FNDC3B: variants seen among roughly 807,000 people sequenced by gnomAD.
FNDC3B encodes the protein fibronectin type III domain-containing protein 3B.
A neutral mutation model predicts 151.5 loss-of-function variants in FNDC3B; 12 were observed. The ratio of observed to expected loss-of-function variants is 0.08; its 90% confidence interval spans 0.05 to 0.13. The LOEUF is 0.13. Ranked by LOEUF, FNDC3B falls within the 10% of genes least tolerant of loss-of-function variation. The pLI, the probability that FNDC3B is intolerant of heterozygous loss-of-function variation, is 1.00. For synonymous variants in FNDC3B, 528 were observed against 549.0 expected (o/e 0.96, Z 0.54); for missense variants, 1,214 against 1,505.3 (o/e 0.81, Z 3.20).
intron 10 of FNDC3B, among the ~76,000 whole-genome samples, chr3:172,308,060 T>C (rs1731282384): frequency 1.3e-5 from 2 of 152,214 alleles, no homozygotes; most frequent in African/African-American, 4.8e-5. Context: ...ATGGCCCTTT[T>C]GGCACATTTC....
chr3:172,263,220 T>A (rs1024326315), intron 6 of FNDC3B, among the ~76,000 whole-genome samples: 5 of 151,762 alleles, frequency 3.3e-5, no homozygotes, highest in Non-Finnish European at 5.9e-5. Context: ...CAGTTAAAAA[T>A]TTTTTTTCAT....
At chr3:172,270,670 C>T (rs1233094530) in intron 6 of FNDC3B, among the ~76,000 whole-genome samples, 1 of 152,196 alleles carries the variant, frequency 6.6e-6, no homozygotes, top group Non-Finnish European at 1.5e-5. Flanking sequence ...TGTTTGTGTA[C>T]ATTTTCTATA....
chr3:172,381,590 A>T (rs1361488513), intron 25 of FNDC3B, among the ~76,000 whole-genome samples: 1 of 151,884 alleles, frequency 6.6e-6, no homozygotes, highest in African/African-American at 2.4e-5. Flanking sequence ...CATCTACATT[A>T]GGTATTTCTC....
intron 3 of FNDC3B, among the ~76,000 whole-genome samples, chr3:172,163,692 C>T (rs1039524201): frequency 2.0e-5 from 3 of 152,018 alleles, no homozygotes; most frequent in Non-Finnish European, 4.4e-5. Flanking sequence ...GTGTAGTTTT[C>T]TAGCTTCTGT....
At chr3:172,252,417 A>G (rs534799748) in intron 6 of FNDC3B, among the ~76,000 whole-genome samples, 1 of 152,022 alleles carries the variant, frequency 6.6e-6, no homozygotes, top group South Asian at 2.1e-4. Context: ...TCACAATCAC[A>G]TTCTCACAGA....
intron 3 of FNDC3B, among the ~76,000 whole-genome samples, chr3:172,186,111 C>T (rs912346462): frequency 6.6e-6 from 1 of 152,162 alleles, no homozygotes. Context: ...GGAAGCTTCA[C>T]GAATTTTTAT....
At chr3:172,186,995 A>G in intron 3 of FNDC3B, 1 of 403,406 alleles carries the variant, frequency 2.5e-6, no homozygotes, top group South Asian at 5.3e-5. Context: ...GCTTTACTGT[A>G]GTTTAAGGCA....
chr3:172,058,492 A>G (rs1348291884), intron 1 of FNDC3B, among the ~76,000 whole-genome samples: 2 of 145,878 alleles, frequency 1.4e-5, no homozygotes, highest in Non-Finnish European at 3.0e-5. Flanking sequence ...TCCCTCTTAC[A>G]TTTTTCCTTT....
chr3:172,394,564 C>T (rs973228991), intron 25 of FNDC3B, among the ~76,000 whole-genome samples: 6 of 152,122 alleles, frequency 3.9e-5, no homozygotes, highest in African/African-American at 1.4e-4. Context: ...GAAAATCCAA[C>T]AGACCAATGG....
chr3:172,395,692 G>A (rs1038635869), intron 25 of FNDC3B, among the ~76,000 whole-genome samples: 4 of 152,136 alleles, frequency 2.6e-5, no homozygotes, highest in African/African-American at 9.7e-5. Context: ...ATCTGGCTAA[G>A]GACTTAGATC....
intron 2 of FNDC3B, among the ~76,000 whole-genome samples, chr3:172,123,949 G>A (rs1720682731): frequency 6.6e-6 from 1 of 152,154 alleles, no homozygotes; most frequent in Non-Finnish European, 1.5e-5. Flanking sequence ...TGGTGGAGTT[G>A]GGTGTTAGGA....
At position 172,380,851 on chromosome 3, in the gene FNDC3B, G is replaced by A; in HGVS notation, c.3176-115G>A. On this transcript the variant is annotated intron_variant, in intron 24 of 25. Coordinates refer to ENST00000415807, the MANE Select transcript of FNDC3B (RefSeq NM_022763.4). ...GCTGGGCAAATCAGCTCCTCTCTCAGGGCAAACACAGGCACAATCTTGCTC... is the reference window on the plus strand; with the variant it reads ...GCTGGGCAAATCAGCTCCTCTCTCAAGGCAAACACAGGCACAATCTTGCTC... 5.7e-6 allele frequency: 7 copies of A among 1,231,868 alleles called. No individual in the cohort carries two copies. The South Asian group carries it at 9.5e-5, about 17-fold the overall frequency. 76.3% of individuals were successfully genotyped at this position (1,231,868 alleles called of 1,614,324 possible).
chr3:172,064,637 A>C (rs779110972), intron 1 of FNDC3B, among the ~76,000 whole-genome samples: 4 of 152,258 alleles, frequency 2.6e-5, no homozygotes, highest in Admixed American at 6.5e-5. Flanking sequence ...GAAATGTAGG[A>C]AGTCCATAGC....
intron 1 of FNDC3B, among the ~76,000 whole-genome samples, chr3:172,076,980 A>G (rs1718041560): frequency 6.6e-6 from 1 of 152,210 alleles, no homozygotes; most frequent in East Asian, 1.9e-4. Context: ...TATGGTCTCT[A>G]TCTTCAAAGC....
At chr3:172,385,475 C>A (rs1281902468) in intron 25 of FNDC3B, among the ~76,000 whole-genome samples, 1 of 152,092 alleles carries the variant, frequency 6.6e-6, no homozygotes, top group African/African-American at 2.4e-5. Flanking sequence ...TTATTTATAC[C>A]TGCAGTGGTG....
intron 21 of FNDC3B, among the ~76,000 whole-genome samples, chr3:172,349,876 GA>G (rs1733780322): frequency 6.6e-6 from 1 of 151,998 alleles, no homozygotes; most frequent in Non-Finnish European, 1.5e-5. Context: ...GGCTGGTCTC[GA>G]ACTCCCGACC....
At chr3:172,273,349 G>A (rs1252322112) in intron 6 of FNDC3B, among the ~76,000 whole-genome samples, 3 of 152,092 alleles carry the variant, frequency 2.0e-5, no homozygotes, top group Non-Finnish European at 4.4e-5. Flanking sequence ...ATTTCTACTA[G>A]AAATTCCTGT....
chr3:172,205,847 T>A (rs1318534632), intron 3 of FNDC3B, among the ~76,000 whole-genome samples: 1 of 152,192 alleles, frequency 6.6e-6, no homozygotes, highest in African/African-American at 2.4e-5. Context: ...CTGGTTATTA[T>A]TATTATAAAT....
At chr3:172,172,089 C>T (rs964819383) in intron 3 of FNDC3B, among the ~76,000 whole-genome samples, 1 of 152,194 alleles carries the variant, frequency 6.6e-6, no homozygotes, top group African/African-American at 2.4e-5. Flanking sequence ...CAAACATATG[C>T]TCTGCTATCA....
Sources: allele counts gnomAD v4.1 joint callset (sites outside exome capture counted in the v4.1 genomes callset), GRCh38; gene constraint gnomAD v4.1.1; transcripts MANE v1.5; gene names NCBI Gene and HGNC (gene_info 2026-07-23, HGNC 2026-07-21).